Variants in CFAP251 observed in about 807,000 individuals in gnomAD.
CFAP251 encodes cilia- and flagella-associated protein 251.
A neutral mutation model predicts 126.7 loss-of-function variants in CFAP251; 93 were observed. That is an observed-to-expected ratio of 0.73 (90% CI 0.62 to 0.87). CFAP251 has a LOEUF of 0.87. Ranked by LOEUF, CFAP251 falls within the 40% of genes least tolerant of loss-of-function variation. CFAP251 has a pLI of 0.00. For missense variants in CFAP251, 1,287 were observed against 1,389.2 expected (o/e 0.93, Z 1.17); for synonymous variants, 503 against 506.9 (o/e 0.99, Z 0.10).
At chr12:121,978,318 C>G (rs1248321635) in intron 19 of CFAP251, among the ~76,000 whole-genome samples, 4 of 135,262 alleles carry the variant, frequency 3.0e-5, no homozygotes, top group Admixed American at 2.4e-4. Flanking sequence ...GGCGTGAACC[C>G]GGGAGGCGGA....
chr12:121,918,767 C>G lies in CFAP251; in HGVS notation c.-21+72C>G, dbSNP rs1880023917. ...GAGGGGGCCCCCGACCTGGCGGGGT[C>G]TGGTGCCCCTTGGGGGGCGCTCACC... is the stretch of plus-strand genomic sequence containing the variant. On this transcript the variant is annotated intron_variant, in intron 1 of 21. Coordinates refer to ENST00000288912, the MANE Select transcript of CFAP251 (RefSeq NM_144668.6). This position sits in a 1 kb window ranked among gnomAD's most constrained non-coding sequence, Gnocchi z 4.3. 1 of 152,472 alleles carries G rather than the reference C, an allele frequency of 6.6e-6. No homozygotes were observed. Among genetic ancestry groups the G allele is most frequent in the African/African-American group, 2.4e-5 (1 of 41,462 alleles). 9.4% of individuals were successfully genotyped at this position (152,472 alleles called of 1,614,324 possible).
intron 20 of CFAP251, among the ~76,000 whole-genome samples, chr12:122,000,490 T>G (rs1159368668): frequency 6.8e-6 from 1 of 147,706 alleles, no homozygotes; most frequent in East Asian, 2.0e-4. Context: ...AGGTGGAGGT[T>G]GCAGTGAGCC....
chr12:121,921,743 T>C (rs1880188307), intron 2 of CFAP251, 60 bp downstream of exon 2: 1 of 1,513,894 alleles, frequency 6.6e-7, no homozygotes, highest in Non-Finnish European at 8.9e-7. Flanking sequence ...GAATGCTTAG[T>C]ATAGGCCAGA....
In CFAP251 at chr12:121,950,619, G is replaced by A. The variant is rs143108721; in HGVS notation, c.1270-861G>A. 2.4e-4 allele frequency: 37 copies of A among 152,090 alleles called. 1 individual carries two copies. Among genetic ancestry groups the A allele is most frequent in the African/African-American group, 8.9e-4 (37 of 41,500 alleles). 9.4% of individuals were successfully genotyped at this position (152,090 alleles called of 1,614,324 possible). A position where few individuals can be genotyped will look rare whatever the true frequency, so the allele number is the denominator to read the frequency against. On this transcript the variant is annotated intron_variant, in intron 8 of 21. Coordinates refer to ENST00000288912, the MANE Select transcript of CFAP251 (RefSeq NM_144668.6). ...GTCATCCAGGCTGCAGTGCAGTGGT[G>A]CGATCTCAGCTCACTGCAACCTCTG...
intron 19 of CFAP251, among the ~76,000 whole-genome samples, chr12:121,980,029 T>C (rs185940744): frequency 1.3e-5 from 2 of 152,360 alleles, no homozygotes; most frequent in East Asian, 3.9e-4. Context: ...CGCTTTCTGC[T>C]GTGTTGTCTC....
chr12:121,948,910 A>T, intron 7 of CFAP251, 74 bp from the exon 8 acceptor site: 1 of 843,520 alleles, frequency 1.2e-6, no homozygotes, highest in East Asian at 2.9e-5. Context: ...TAAAATTATT[A>T]TTTAATTTTA....
At position 121,962,044 on chromosome 12, in the gene CFAP251, C is replaced by G; in HGVS notation, c.2374C>G (p.Gln792Glu). ...AGTCCTGGACATTCACCACACCGAC[C>G]AGGGCTGCTATCCCACCTGCATGGT... is the stretch of plus-strand genomic sequence containing the variant. ...LEVLDIHHTD[Q>E]GCYPTCMVWY... The change falls in exon 15 of 22, where the codon CAG (glutamine) becomes GAG (glutamate). Residue 792 changes from glutamine (Q) to glutamate (E), a missense_variant. Transcript: ENST00000288912. 1 of 1,614,002 alleles carries G rather than the reference C, an allele frequency of 6.2e-7. No individual in the cohort carries two copies. Among genetic ancestry groups the G allele is most frequent in the Non-Finnish European group, 8.5e-7 (1 of 1,180,032 alleles).
intron 5 of CFAP251, among the ~76,000 whole-genome samples, chr12:121,940,537 C>A (rs1251372106): frequency 6.6e-6 from 1 of 152,108 alleles, no homozygotes; most frequent in Non-Finnish European, 1.5e-5. Context: ...CATAAACAAA[C>A]AAACAAACAA....
At position 121,999,792 on chromosome 12, in the gene CFAP251, C is replaced by T; in HGVS notation, c.3083C>T (p.Pro1028Leu). 1.9e-6 allele frequency: 3 copies of T among 1,613,970 alleles called. No individual in the cohort carries two copies. The highest frequency in any genetic ancestry group is 2.5e-6 in the Non-Finnish European group (3 of 1,179,944). Residue 1028 changes from proline (P) to leucine (L), a missense_variant, in exon 20 of 22, where the codon CCA becomes CTA. Coordinates refer to ENST00000288912, the MANE Select transcript of CFAP251 (RefSeq NM_144668.6). The part of the protein sequence containing the change: ...TGKLIDKINL[P>L]DFLKVYLNHK... Reference sequence around the variant, plus strand: ...AAGCTAATCGACAAGATCAACTTACCAGATTTCCTAAAAGTGTACCTTAAC... The same window carrying T: ...AAGCTAATCGACAAGATCAACTTACTAGATTTCCTAAAAGTGTACCTTAAC...
intron 19 of CFAP251, among the ~76,000 whole-genome samples, chr12:121,980,976 T>A (rs1005217781): frequency 2.6e-5 from 4 of 152,090 alleles, no homozygotes; most frequent in Non-Finnish European, 5.9e-5. Flanking sequence ...CTCGTAGGGG[T>A]GTCGTGAGGA....
chr12:121,938,428 C>T (rs1395516989), intron 5 of CFAP251, among the ~76,000 whole-genome samples: 1 of 151,784 alleles, frequency 6.6e-6, no homozygotes, highest in Non-Finnish European at 1.5e-5. Context: ...CTCAGATGAT[C>T]CTCCCATCTC....
At chr12:121,954,077 A>G (rs754475270) in intron 9 of CFAP251, 43 bp from the exon 10 acceptor site, 15 of 1,515,556 alleles carry the variant, frequency 9.9e-6, no homozygotes, top group Non-Finnish European at 1.4e-5. Flanking sequence ...GCTTTGTTTT[A>G]TATTTATTAC....
chr12:121,979,568 T>TTTTTTTTTC, intron 19 of CFAP251, among the ~76,000 whole-genome samples: 1 of 134,618 alleles, frequency 7.4e-6, no homozygotes, highest in Non-Finnish European at 1.6e-5. Context: ...TTCTTCTTTT[T>TTTTTTTTTC]TTTTTTTTTT....
rs1881803166 is a variant in CFAP251 at position 121,958,386 on chromosome 12, C to A, written c.1845C>A (p.His615Gln). The A allele has an allele frequency of 6.2e-7, 1 of 1,614,230 alleles. No individual in the cohort carries two copies. Among genetic ancestry groups the A allele is most frequent in the Non-Finnish European group, 8.5e-7 (1 of 1,180,048 alleles). The change falls in exon 12 of 22, where the codon CAC (histidine) becomes CAA (glutamine). Residue 615 changes from histidine (H) to glutamine (Q), a missense_variant. Physicochemically the swap from His to Gln is conservative, Grantham distance 24. Coordinates refer to ENST00000288912, the MANE Select transcript of CFAP251 (RefSeq NM_144668.6). ...ATGCCATTTGTGCCATCTCCTGCCA[C>A]CCATATCAACCCCTCATTGCCATCG... ...PKDAICAISCHPYQPLIAIGS... is the reference protein window; with the variant it reads ...PKDAICAISCQPYQPLIAIGS...
chr12:121,957,482 A>C (rs1241151161), intron 11 of CFAP251, among the ~76,000 whole-genome samples: 1 of 152,150 alleles, frequency 6.6e-6, no homozygotes, highest in African/African-American at 2.4e-5. Context: ...AGGCGGGTGG[A>C]TCACGAGGTC....
chr12:121,962,545 T>G (rs1181561642), intron 15 of CFAP251, among the ~76,000 whole-genome samples: 1 of 152,214 alleles, frequency 6.6e-6, no homozygotes, highest in East Asian at 1.9e-4. Context: ...GTTTACACCC[T>G]GCGTGAGCCA....
intron 17 of CFAP251, among the ~76,000 whole-genome samples, chr12:121,971,301 G>A (rs1882321716): frequency 6.6e-6 from 1 of 152,138 alleles, no homozygotes; most frequent in Non-Finnish European, 1.5e-5. Context: ...CTTGCTGGAG[G>A]GTCTTGCTGG....
chr12:121,928,652 A>ACG lies in CFAP251; in HGVS notation c.748-3094_748-3093insCG, dbSNP rs1323699105. Among the ~76,000 whole-genome samples, 60 of 35,494 alleles carry ACG rather than the reference A, an allele frequency of 1.7e-3. 2 individuals carry two copies. The highest frequency in any genetic ancestry group is 2.5e-3 in the African/African-American group (53 of 21,098). The allele number at this position is 35,494 out of a possible 152,430, so 23.3% of individuals were successfully genotyped here. On this transcript the variant is annotated intron_variant, in intron 3 of 21. Coordinates refer to ENST00000288912, the MANE Select transcript of CFAP251 (RefSeq NM_144668.6). ...TATATATATACGTATATATATATAT[A>ACG]TATACGTATATATATACGTATATAT...
chr12:121,988,411 C>T (rs559878704), intron 19 of CFAP251, among the ~76,000 whole-genome samples: 7 of 152,276 alleles, frequency 4.6e-5, no homozygotes, highest in African/African-American at 1.2e-4. Context: ...CTTCAACCAC[C>T]GATGTGCTTT....
Sources: gnomAD v4.1 joint callset for allele counts (sites outside exome capture counted in the v4.1 genomes callset) on GRCh38, gnomAD v4.1.1 for gene constraint, Gnocchi (gnomAD v3.1) non-coding constraint, MANE v1.5 for transcripts, NCBI Gene and HGNC (gene_info 2026-07-23, HGNC 2026-07-21) for gene names.